The following DCBLD2 variants were observed in gnomAD, a reference collection of about 807,000 sequenced individuals.
The protein encoded by DCBLD2 is discoidin, CUB and LCCL domain containing 2, also known as discoidin, CUB and LCCL domain-containing protein 2.
Under a neutral mutation model 86.8 loss-of-function variants are expected in DCBLD2, and 54 were observed. The ratio of observed to expected loss-of-function variants is 0.62; its 90% confidence interval spans 0.50 to 0.78. The LOEUF (loss-of-function observed/expected upper bound fraction) is 0.78, where lower values mean the gene tolerates loss of function less well. Among genes scored for constraint, DCBLD2 ranks in the 30% least tolerant of loss-of-function variants. The pLI, the probability that DCBLD2 is intolerant of heterozygous loss-of-function variation, is 0.00. For missense variants in DCBLD2, 908 were observed against 954.2 expected (o/e 0.95, Z 0.64); for synonymous variants, 354 against 341.3 (o/e 1.04, Z -0.41).
At chr3:98,846,460 C>A (rs1942725459) in intron 3 of DCBLD2, among the ~76,000 whole-genome samples, 1 of 152,102 alleles carries the variant, frequency 6.6e-6, no homozygotes, top group Non-Finnish European at 1.5e-5. Context: ...AAATTGTCAT[C>A]AAAAAGCCAC....
At chr3:98,891,110 G>A (rs1943653357) in intron 1 of DCBLD2, among the ~76,000 whole-genome samples, 1 of 151,782 alleles carries the variant, frequency 6.6e-6, no homozygotes, top group African/African-American at 2.4e-5. Flanking sequence ...CAGGGATGAT[G>A]AGTACTACAG....
chr3:98,817,583 AC>A (rs1942045492), intron 9 of DCBLD2, among the ~76,000 whole-genome samples, 185 bp downstream of exon 9: 1 of 152,228 alleles, frequency 6.6e-6, no homozygotes, highest in Non-Finnish European at 1.5e-5. Flanking sequence ...ACCAAAAGGA[AC>A]CTAGAACTAC....
chr3:98,857,065 A>G (rs900829163), intron 2 of DCBLD2, among the ~76,000 whole-genome samples: 2 of 151,990 alleles, frequency 1.3e-5, no homozygotes, highest in Non-Finnish European at 2.9e-5. Flanking sequence ...GTTCTTTCTG[A>G]TGTTCGGATG....
chr3:98,856,252 G>A (rs1375095764), intron 2 of DCBLD2, among the ~76,000 whole-genome samples: 2 of 152,102 alleles, frequency 1.3e-5, no homozygotes, highest in Non-Finnish European at 2.9e-5. Flanking sequence ...CTGAGAAATG[G>A]ACAGTTGTCA....
chr3:98,847,229 A>AG (rs1559784575), intron 3 of DCBLD2, among the ~76,000 whole-genome samples: 1 of 62,762 alleles, frequency 1.6e-5, no homozygotes, highest in Non-Finnish European at 3.8e-5. Context: ...ACATGTTTTT[A>AG]TTAGATTCAG....
intron 4 of DCBLD2, among the ~76,000 whole-genome samples, chr3:98,823,350 G>A (rs6440159): frequency 0.14 from 21,775 of 152,110 alleles, 1,598 homozygotes; most frequent in Middle Eastern, 0.18. Context: ...AAATTTAAGA[G>A]CTAAATGATA....
At chr3:98,897,079 A>G (rs1025784276) in intron 1 of DCBLD2, among the ~76,000 whole-genome samples, 3 of 152,194 alleles carry the variant, frequency 2.0e-5, no homozygotes, top group Non-Finnish European at 4.4e-5. Flanking sequence ...TTAATTTGTC[A>G]TTTTAATTCT....
In DCBLD2 at chr3:98,799,526, C is replaced by T; in HGVS notation, c.2174G>A (p.Cys725Tyr). ...ATCATACTGGGCCTGGGCTGAGGAG[C>T]AGCTGTCAGTCCTGGAGAGAAGTGT... is the stretch of plus-strand genomic sequence containing the variant. ...YNTLLSRTDS[C>Y]SSAQAQYDTP... is the part of the protein sequence containing the mutation. The change falls in exon 16 of 16, where the codon TGC becomes TAC. Residue 725 changes from cysteine to tyrosine, a missense_variant. Coordinates refer to ENST00000326840, the MANE Select transcript of DCBLD2 (RefSeq NM_080927.4). The T allele has an allele frequency of 6.2e-7, 1 of 1,613,992 alleles. No individual in the cohort carries two copies.
At chr3:98,834,548 T>G (rs1198871668) in intron 3 of DCBLD2, among the ~76,000 whole-genome samples, 1 of 152,190 alleles carries the variant, frequency 6.6e-6, no homozygotes, top group East Asian at 1.9e-4. Context: ...TGAGAACATG[T>G]GATATTTGCT....
At position 98,799,854 on chromosome 3, in the gene DCBLD2, C is replaced by CA; in HGVS notation, c.1859-14dup. On this transcript the variant is annotated splice_polypyrimidine_tract_variant and intron_variant, in intron 15 of 15. Coordinates refer to ENST00000326840, the MANE Select transcript of DCBLD2 (RefSeq NM_080927.4). The stretch of plus-strand genomic sequence containing the variant: ...GGCTGAGCATACTCTGTGGATATCA[C>CA]AAAACAACAGAAAAGTCATTTTACT... 6.3e-7 allele frequency: 1 copy of CA among 1,575,892 alleles called. No homozygotes were observed. Among genetic ancestry groups the CA allele is most frequent in the Non-Finnish European group, 8.6e-7 (1 of 1,159,796 alleles).
chr3:98,843,143 C>T (rs1942652302), intron 3 of DCBLD2, among the ~76,000 whole-genome samples: 1 of 152,104 alleles, frequency 6.6e-6, no homozygotes, highest in Non-Finnish European at 1.5e-5. Flanking sequence ...TTCGTCAGCA[C>T]CTTTGTTCTA....
rs1942146518 is a variant in DCBLD2 at position 98,822,738 on chromosome 3, C to G, written c.627G>C (p.Lys209Asn). Reference protein sequence around the residue: ...ASNFLEPEFSKYCPAGCLLPF... With the variant: ...ASNFLEPEFSNYCPAGCLLPF... ...GAAGCAGACAACCAGCTGGGCAGTACTTACTGAGAAATGAAAACAAGCAAA... is the reference window on the plus strand; with the variant it reads ...GAAGCAGACAACCAGCTGGGCAGTAGTTACTGAGAAATGAAAACAAGCAAA... Residue 209 changes from lysine to asparagine, a missense_variant, in exon 5 of 16, where the codon AAG (lysine) becomes AAC (asparagine). This residue lies in a region of DCBLD2 where 8 missense variants were observed against 19.8 expected (regional missense o/e 0.40). Transcript: ENST00000326840. 6.3e-7 allele frequency: 1 copy of G among 1,589,426 alleles called. No homozygotes were observed. The highest frequency in any genetic ancestry group is 1.3e-5 in the African/African-American group (1 of 74,384).
rs916030146 is a variant in DCBLD2 at position 98,796,849 on chromosome 3, C to T, written c.*2523G>A. 12 of 152,472 alleles carry T rather than the reference C, an allele frequency of 7.9e-5. No individual in the cohort carries two copies. Among genetic ancestry groups the T allele is most frequent in the African/African-American group, 2.4e-4 (10 of 41,382 alleles). The allele number at this position is 152,472 out of a possible 1,614,324, so 9.4% of individuals were successfully genotyped here. A position where few individuals can be genotyped will look rare whatever the true frequency, so the allele number is the denominator to read the frequency against. On this transcript the variant is annotated 3_prime_UTR_variant, in exon 16 of 16. Coordinates refer to ENST00000326840, the MANE Select transcript of DCBLD2 (RefSeq NM_080927.4). ...GTAATGGCCACATTTGTTGTGTCTC[C>T]GATGTATTTCTATAATTGCATTAAC...
chr3:98,825,854 AT>A (rs1220081238), intron 3 of DCBLD2, among the ~76,000 whole-genome samples: 1 of 151,984 alleles, frequency 6.6e-6, no homozygotes, highest in East Asian at 1.9e-4. Context: ...CTAACTATTA[AT>A]AACTGCTAAT....
chr3:98,890,683 T>A (rs1347528270), intron 1 of DCBLD2, among the ~76,000 whole-genome samples: 1 of 151,946 alleles, frequency 6.6e-6, no homozygotes, highest in East Asian at 1.9e-4. Context: ...ACTTCATATC[T>A]CCCCTCCCTC....
intron 3 of DCBLD2, among the ~76,000 whole-genome samples, chr3:98,849,225 A>G (rs571337972): frequency 2.0e-5 from 3 of 152,316 alleles, no homozygotes; most frequent in African/African-American, 7.2e-5. Context: ...AATAAAAAAA[A>G]TCAGCATTTC....
chr3:98,901,418 C>G lies in DCBLD2; in HGVS notation c.-92G>C, dbSNP rs999359617. 4.9e-6 allele frequency: 6 copies of G among 1,220,804 alleles called. No homozygotes were observed. The African/African-American group carries it at 7.9e-5, about 16-fold the overall frequency. The allele number at this position is 1,220,804 out of a possible 1,614,324, so 75.6% of individuals were successfully genotyped here. On this transcript the variant is annotated 5_prime_UTR_variant, in exon 1 of 16. Transcript: ENST00000326840. ...GCACCCGACCAGGAGACGGCGGCAGCGGCGGGAGAACAAGAGGCAGCCCTC... is the reference window on the plus strand; with the variant it reads ...GCACCCGACCAGGAGACGGCGGCAGGGGCGGGAGAACAAGAGGCAGCCCTC...
rs780335847 is a variant in DCBLD2, at chr3:98,811,537, T to TC, written c.1380_1381insG (p.Thr461AspfsTer11). On this transcript the variant is annotated frameshift_variant, in exon 11 of 16. Transcript: ENST00000326840. LOFTEE classifies it high-confidence loss of function. ...CTGTTCCGAGGAGGTGGAGGTTGAG[T>TC]AAGTTTTGGAGGACGACCTTGAAAA... is the stretch of plus-strand genomic sequence containing the variant. 2.5e-6 allele frequency: 4 copies of TC among 1,585,926 alleles called. No homozygotes were observed. In the South Asian group the frequency reaches 4.7e-5, roughly 19 times the overall value.
intron 2 of DCBLD2, among the ~76,000 whole-genome samples, chr3:98,854,624 T>A (rs1012770204): frequency 2.6e-5 from 4 of 152,218 alleles, no homozygotes; most frequent in Admixed American, 1.3e-4. Context: ...AAAATGAATT[T>A]GCCTCTCCTT....
Sources: gnomAD v4.1 joint callset for allele counts (sites outside exome capture counted in the v4.1 genomes callset) on GRCh38, gnomAD v4.1.1 for gene constraint, gnomAD v4.1.1 regional missense constraint, MANE v1.5 for transcripts, NCBI Gene and HGNC (gene_info 2026-07-23, HGNC 2026-07-21) for gene names.